The following SRA1 variants were observed in gnomAD, a reference collection of about 807,000 sequenced individuals.
SRA1 encodes the protein lncRNA SRA.
Under a neutral mutation model 24.3 loss-of-function variants are expected in SRA1, and 25 were observed. The observed-to-expected ratio is 1.03, with a 90% CI of 0.75 to 1.43. The LOEUF is 1.43. SRA1 is among the 40% of genes most tolerant of loss of function. SRA1 has a pLI of 0.00. For missense variants in SRA1, 303 were observed against 286.6 expected (o/e 1.06, Z -0.41); for synonymous variants, 104 against 109.5 (o/e 0.95, Z 0.31).
intron 2 of SRA1, 29 bp downstream of exon 2, chr5:140,557,118 C>G: frequency 3.2e-5 from 40 of 1,238,078 alleles, no homozygotes; most frequent in Non-Finnish European, 4.4e-5. Context: ...CATTCTCCGT[C>G]TGTCTCCGAG....
intron 3 of SRA1, chr5:140,551,741 A>G (rs1754567540): frequency 2.3e-6 from 1 of 435,984 alleles, no homozygotes. Context: ...CACTAATAGG[A>G]GCTGAATTCA....
At chr5:140,551,905 G>A (rs1182772310) in intron 3 of SRA1, 77 bp downstream of exon 3, 1 of 1,343,424 alleles carries the variant, frequency 7.4e-7, no homozygotes, top group Admixed American at 1.8e-5. Context: ...TGGGTCAGAG[G>A]GTCTATCTCT....
chr5:140,551,295 C>A, intron 3 of SRA1, 126 bp from the exon 4 acceptor site: 1 of 682,828 alleles, frequency 1.5e-6, no homozygotes, highest in Non-Finnish European at 2.4e-6. Context: ...TGGTTCTTTA[C>A]CCAAAGATTA....
In SRA1 at chr5:140,550,303, C is replaced by A; in HGVS notation, c.*397G>T. On this transcript the variant is annotated 3_prime_UTR_variant, in exon 5 of 5. Coordinates refer to ENST00000336283, the MANE Select transcript of SRA1 (RefSeq NM_001035235.4). ...CTGAAATGAAACCATCCAAACACAG[C>A]TGCTCCGCCCAGCACAGGATGTGCT... 4.0e-6 allele frequency: 1 copy of A among 249,664 alleles called. No homozygotes were observed. The highest frequency in any genetic ancestry group is 7.9e-6 in the Non-Finnish European group (1 of 126,402). The allele number at this position is 249,664 out of a possible 1,614,324, so 15.5% of individuals were successfully genotyped here. A position where few individuals can be genotyped will look rare whatever the true frequency, so the allele number is the denominator to read the frequency against.
At chr5:140,557,096 C>CT (rs368729292) in intron 2 of SRA1, 51 bp downstream of exon 2, 3 of 12,548 alleles carry the variant, frequency 2.4e-4, no homozygotes, top group African/African-American at 1.2e-3. Flanking sequence ...ATGCCTTACA[C>CT]CCCCCCCCCC....
At chr5:140,557,727 C>T, upstream of SRA1, 1 of 549,022 alleles carries the variant, frequency 1.8e-6, no homozygotes, top group Non-Finnish European at 3.2e-6. Flanking sequence ...CTCTCAGGAG[C>T]AAATTCAAAC....
chr5:140,551,524 G>C, intron 3 of SRA1: 1 of 231,700 alleles, frequency 4.3e-6, no homozygotes, highest in South Asian at 1.1e-4. Flanking sequence ...TTCACAAAAA[G>C]AAAACTAAGC....
rs374770434 is a variant in SRA1, at chr5:140,557,468, G to C, written c.-16C>G. The C allele has an allele frequency of 2.6e-6, 4 of 1,553,412 alleles. No individual in the cohort carries two copies. Among genetic ancestry groups the C allele is most frequent in the Non-Finnish European group, 3.5e-6 (4 of 1,150,466 alleles). On this transcript the variant is annotated 5_prime_UTR_variant, in exon 1 of 5. Coordinates refer to ENST00000336283, the MANE Select transcript of SRA1 (RefSeq NM_001035235.4). ...GCTCCGCCATCTCCACTTCCGCTTG[G>C]CCAGCGGGGCAGCGCGTCATTTCCG...
chr5:140,550,224 C>G lies in SRA1; in HGVS notation c.*476G>C. On this transcript the variant is annotated 3_prime_UTR_variant, in exon 5 of 5. Transcript: ENST00000336283. ...GGTGATACAGTGCAAATAGGACTGT[C>G]TTTCCTTTTGTTGAGGGAAAAGTCT... 5.3e-6 allele frequency: 1 copy of G among 189,812 alleles called. No individual in the cohort carries two copies. The highest frequency in any genetic ancestry group is 1.0e-4 in the South Asian group (1 of 9,760). The allele number at this position is 189,812 out of a possible 1,614,324, so 11.8% of individuals were successfully genotyped here.
In SRA1 at chr5:140,551,962, T is replaced by C; in HGVS notation, c.354+20A>G. On this transcript the variant is annotated intron_variant, in intron 3 of 4. Transcript: ENST00000336283. ...CTGTGGATGGGAGCCCTCTCTAACC[T>C]CTGATGTGCCAGAGCTTACCCTTGT... is the stretch of plus-strand genomic sequence containing the variant. 1 of 1,611,534 alleles carries C rather than the reference T, an allele frequency of 6.2e-7. No individual in the cohort carries two copies.
intron 1 of SRA1, 37 bp downstream of exon 1, chr5:140,557,391 C>T (rs376026703): frequency 1.3e-6 from 2 of 1,598,120 alleles, no homozygotes; most frequent in East Asian, 2.3e-5. Context: ...TAGGCCGGGG[C>T]GACAACCTAG....
upstream of SRA1, chr5:140,557,755 A>G (rs1456844494): frequency 3.8e-6 from 2 of 527,052 alleles, no homozygotes; most frequent in Admixed American, 3.7e-5. Flanking sequence ...CTCCTGCCCC[A>G]CATACACCCC....
chr5:140,550,793 C>CTG lies in SRA1; in HGVS notation c.581_582insCA (p.Arg194SerfsTer71). The CTG allele has an allele frequency of 6.2e-7, 1 of 1,614,136 alleles. No individual in the cohort carries two copies. Among genetic ancestry groups the CTG allele is most frequent in the East Asian group, 2.2e-5 (1 of 44,892 alleles). On this transcript the variant is annotated frameshift_variant, in exon 5 of 5. Transcript: ENST00000336283. LOFTEE classifies it high-confidence loss of function. The stretch of plus-strand genomic sequence containing the variant: ...TGGCTGCCTCCTCTGAAAACAGACT[C>CTG]CTCTTTTCTGCAATTAATCTTTTAA...
At chr5:140,556,471 A>G (rs116133317) in intron 2 of SRA1, among the ~76,000 whole-genome samples, 22 of 152,336 alleles carry the variant, frequency 1.4e-4, no homozygotes, top group African/African-American at 5.1e-4. Context: ...TGAATTGGCC[A>G]AACTTATTCC....
At chr5:140,553,735 C>G (rs1374029748) in intron 2 of SRA1, among the ~76,000 whole-genome samples, 4 of 152,132 alleles carry the variant, frequency 2.6e-5, no homozygotes, top group Non-Finnish European at 2.9e-5. Context: ...GTGGCAGGAA[C>G]ACCAGTTGAG....
Position 140,557,196 on chromosome 5 carries a change from G to A in SRA1, c.102C>T (p.Arg34=), listed in dbSNP as rs772813948. 1.2e-6 allele frequency: 2 copies of A among 1,613,206 alleles called. No homozygotes were observed. The highest frequency in any genetic ancestry group is 1.7e-6 in the Non-Finnish European group (2 of 1,179,908). The change falls in exon 2 of 5, where the codon CGC becomes CGT. Residue 34 remains arginine (R), a synonymous_variant. Transcript: ENST00000336283. Reference sequence around the variant, plus strand: ...CGGCGACCCTCTTGGTAAGCAGCGAGCGCCTGGGTCCGCCGGCCTGGGTCT... The same window carrying A: ...CGGCGACCCTCTTGGTAAGCAGCGAACGCCTGGGTCCGCCGGCCTGGGTCT... The part of the protein sequence containing the change: ...GLQTQAGGPR[R]SLLTKRVAAP...
rs1754510945 is a variant in SRA1 at position 140,550,384 on chromosome 5, C to T, written c.*316G>A. ...AGTAGTCTGACTTTACCCAGCAGAT[C>T]CCTTCCTGATGAATGGAGAAGGGAG... On this transcript the variant is annotated 3_prime_UTR_variant, in exon 5 of 5. Transcript: ENST00000336283. 2.5e-6 allele frequency: 1 copy of T among 392,228 alleles called. No individual in the cohort carries two copies. Among genetic ancestry groups the T allele is most frequent in the South Asian group, 2.9e-5 (1 of 33,970 alleles). 24.3% of individuals were successfully genotyped at this position (392,228 alleles called of 1,614,324 possible).
Position 140,550,483 on chromosome 5 carries a change from G to A in SRA1, c.*217C>T. 1 of 594,750 alleles carries A rather than the reference G, an allele frequency of 1.7e-6. No homozygotes were observed. The highest frequency in any genetic ancestry group is 2.0e-5 in the South Asian group (1 of 49,592). 36.8% of individuals were successfully genotyped at this position (594,750 alleles called of 1,614,324 possible). On this transcript the variant is annotated 3_prime_UTR_variant, in exon 5 of 5. Transcript: ENST00000336283. ...AGGGGACTAGCTTGGCACCGGAAGG[G>A]TTCATCTCTCCTACCCAAGGCCCAC... is the stretch of plus-strand genomic sequence containing the variant.
chr5:140,551,149 GAT>G lies in SRA1; in HGVS notation c.373_374del (p.Ile125GlnfsTer41). On this transcript the variant is annotated frameshift_variant, in exon 4 of 5. Coordinates refer to ENST00000336283, the MANE Select transcript of SRA1 (RefSeq NM_001035235.4). LOFTEE classifies it high-confidence loss of function. ...GHTRKQVCDD[I>X]SRRLALLQEQ... The stretch of plus-strand genomic sequence containing the variant: ...CCTGCAGCAGTGCCAGGCGTCGGCT[GAT>G]GTCATCACATACCTGCTTCTAAGAG... 1 of 1,614,122 alleles carries G rather than the reference GAT, an allele frequency of 6.2e-7. No homozygotes were observed. Among genetic ancestry groups the G allele is most frequent in the African/African-American group, 1.3e-5 (1 of 75,052 alleles).
Sources: allele counts gnomAD v4.1 joint callset (sites outside exome capture counted in the v4.1 genomes callset), GRCh38; gene constraint gnomAD v4.1.1; transcripts MANE v1.5; gene names NCBI Gene and HGNC (gene_info 2026-07-23, HGNC 2026-07-21).